SHISA9: variants seen among roughly 807,000 people sequenced by gnomAD.
The protein encoded by SHISA9 is protein shisa-9.
SHISA9 carries 13 observed loss-of-function variants against 38.0 expected under a neutral mutation model. The ratio of observed to expected loss-of-function variants is 0.34; its 90% CI spans 0.22 to 0.54. The LOEUF (loss-of-function observed/expected upper bound fraction) is 0.54. Among genes scored for constraint, SHISA9 ranks in the 20% least tolerant of loss-of-function variants. SHISA9 has a pLI of 0.91. For synonymous variants in SHISA9, 275 were observed against 242.0 expected (o/e 1.14, Z -1.27); for missense variants, 538 against 575.8 (o/e 0.93, Z 0.67).
At chr16:12,976,705 G>A (rs1021513994) in intron 2 of SHISA9, among the ~76,000 whole-genome samples, 3 of 152,142 alleles carry the variant, frequency 2.0e-5, no homozygotes, top group African/African-American at 7.2e-5. Flanking sequence ...GGGTAAGTAA[G>A]TAACAAGCAG....
the SHISA9 span, among the ~76,000 whole-genome samples, chr16:13,462,294 T>C: frequency 2.0e-5 from 3 of 152,092 alleles, no homozygotes; most frequent in South Asian, 2.1e-4. Context: ...ACCACTTATT[T>C]AATCTCATTC....
At chr16:12,937,769 C>T (rs893192411) in intron 2 of SHISA9, among the ~76,000 whole-genome samples, 5 of 152,220 alleles carry the variant, frequency 3.3e-5, no homozygotes, top group African/African-American at 7.2e-5. Flanking sequence ...TCACAGACCC[C>T]ATCTTCAAAT....
chr16:13,102,458 G>C (rs2073888126), intron 2 of SHISA9, among the ~76,000 whole-genome samples: 1 of 152,152 alleles, frequency 6.6e-6, no homozygotes, highest in Non-Finnish European at 1.5e-5. Flanking sequence ...CTTTCTCTAA[G>C]GGTGAACTCC....
chr16:13,042,593 C>G (rs1279362948), intron 2 of SHISA9, among the ~76,000 whole-genome samples: 2 of 152,014 alleles, frequency 1.3e-5, no homozygotes, highest in Non-Finnish European at 2.9e-5. Context: ...CAAGAGTGCC[C>G]CCTTTGTGAT....
At chr16:13,449,919 A>G in the SHISA9 span, among the ~76,000 whole-genome samples, 4 of 152,276 alleles carry the variant, frequency 2.6e-5, no homozygotes, top group East Asian at 7.7e-4. Context: ...GATTGAGACC[A>G]TCCTGGCTAA....
chr16:12,993,010 C>G lies in SHISA9; in HGVS notation c.691+76195C>G, dbSNP rs576734561. On this transcript the variant is annotated intron_variant, in intron 2 of 4. Transcript: ENST00000558583. ...GATTGTCTGTGCAAACCATTTGGCA[C>G]ACACTGCTTTGGGACATACTCTTCA... 3.9e-4 allele frequency among the ~76,000 whole-genome samples: 59 copies of G among 152,316 alleles called. 1 individual carries two copies. The Middle Eastern group carries it at 0.01, about 26-fold the overall frequency.
At chr16:13,095,166 G>A (rs139853612) in intron 2 of SHISA9, among the ~76,000 whole-genome samples, 3 of 152,328 alleles carry the variant, frequency 2.0e-5, no homozygotes, top group East Asian at 3.9e-4. Flanking sequence ...TGTGGGCAAC[G>A]TGTATTTGGA....
chr16:12,913,694 C>A (rs1163985581), intron 1 of SHISA9, among the ~76,000 whole-genome samples: 1 of 152,192 alleles, frequency 6.6e-6, no homozygotes, highest in East Asian at 1.9e-4. Flanking sequence ...CCCCTGGCAA[C>A]CATGAATCTA....
intron 2 of SHISA9, among the ~76,000 whole-genome samples, chr16:12,923,781 C>T (rs760858163): frequency 1.6e-4 from 24 of 151,530 alleles, no homozygotes; most frequent in East Asian, 3.9e-4. Context: ...GCGGAGCTTG[C>T]AGTGAGCCGA....
At chr16:13,221,655 C>T (rs1053899511) in intron 4 of SHISA9, among the ~76,000 whole-genome samples, 10 of 152,068 alleles carry the variant, frequency 6.6e-5, no homozygotes, top group Non-Finnish European at 1.3e-4. Flanking sequence ...TCATACAATT[C>T]ACCCATTTAA....
chr16:13,551,306 A>T, the SHISA9 span, among the ~76,000 whole-genome samples: 1 of 152,238 alleles, frequency 6.6e-6, no homozygotes, highest in African/African-American at 2.4e-5. Context: ...ACAAACTTAT[A>T]TTCACAACCT....
the SHISA9 span, among the ~76,000 whole-genome samples, chr16:13,428,779 T>C: frequency 6.6e-6 from 1 of 150,576 alleles, no homozygotes. Flanking sequence ...TATTGTTTTT[T>C]TTTTTTTGAG....
chr16:13,278,582 T>C, the SHISA9 span, among the ~76,000 whole-genome samples: 1 of 152,116 alleles, frequency 6.6e-6, no homozygotes, highest in African/African-American at 2.4e-5. Flanking sequence ...AATTACCATT[T>C]CAATCTCACT....
At chr16:13,277,662 T>A in the SHISA9 span, among the ~76,000 whole-genome samples, 1 of 152,006 alleles carries the variant, frequency 6.6e-6, no homozygotes, top group Non-Finnish European at 1.5e-5. Context: ...TCCTAAGTTT[T>A]TTTTTTCTTT....
At chr16:13,036,026 T>A (rs1248511666) in intron 2 of SHISA9, among the ~76,000 whole-genome samples, 1 of 152,202 alleles carries the variant, frequency 6.6e-6, no homozygotes, top group Non-Finnish European at 1.5e-5. Context: ...ATGGAGTGAC[T>A]GGAATTGTCA....
rs148988720 is a variant in SHISA9 at position 13,027,266 on chromosome 16, T to C, written c.691+110451T>C. Among the ~76,000 whole-genome samples, 228 of 152,342 alleles carry C rather than the reference T, an allele frequency of 1.5e-3. 2 individuals are homozygous for C. Among genetic ancestry groups the C allele is most frequent in the African/African-American group, 5.2e-3 (218 of 41,596 alleles). ...ATATTCTTTCAGTTATAGGCAGCAGTAAAAACCATCTCAAACTTCCTTAAG... is the reference window on the plus strand; with the variant it reads ...ATATTCTTTCAGTTATAGGCAGCAGCAAAAACCATCTCAAACTTCCTTAAG... On this transcript the variant is annotated intron_variant, in intron 2 of 4. Coordinates refer to ENST00000558583, the MANE Select transcript of SHISA9 (RefSeq NM_001145204.3).
At chr16:13,049,269 T>G (rs540673176) in intron 2 of SHISA9, among the ~76,000 whole-genome samples, 66 of 152,068 alleles carry the variant, frequency 4.3e-4, no homozygotes, top group Non-Finnish European at 7.4e-4. Flanking sequence ...CTCATAGATA[T>G]CTAGGATTCA....
intron 2 of SHISA9, among the ~76,000 whole-genome samples, chr16:13,127,220 A>G: frequency 9.4e-6 from 1 of 106,016 alleles, no homozygotes; most frequent in Admixed American, 1.2e-4. Flanking sequence ...AGGGAAAGAG[A>G]GGGAGGGGGA....
At chr16:13,243,449 G>C (rs1165910031), downstream of SHISA9, among the ~76,000 whole-genome samples, 1 of 151,978 alleles carries the variant, frequency 6.6e-6, no homozygotes, top group Non-Finnish European at 1.5e-5. Flanking sequence ...AAAGTGGGGG[G>C]GCTTCCAGGC....
Sources: allele counts gnomAD v4.1 joint callset (sites outside exome capture counted in the v4.1 genomes callset), GRCh38; gene constraint gnomAD v4.1.1; transcripts MANE v1.5; gene names NCBI Gene and HGNC (gene_info 2026-07-23, HGNC 2026-07-21).